Variants in ZNF146 observed in about 807,000 individuals in gnomAD.
The protein encoded by ZNF146 is zinc finger protein OZF.
ZNF146 carries 9 observed loss-of-function variants against 22.2 expected under a neutral mutation model. That is an observed-to-expected ratio of 0.41 (90% confidence interval 0.24 to 0.71). The LOEUF (loss-of-function observed/expected upper bound fraction) is 0.71, where lower values mean the gene tolerates loss of function less well. Among genes scored for constraint, ZNF146 ranks in the 30% least tolerant of loss-of-function variants. The pLI, the probability that ZNF146 is intolerant of heterozygous loss-of-function variation, is 0.34. For missense variants in ZNF146, 194 were observed against 344.8 expected (o/e 0.56, Z 3.46); for synonymous variants, 108 against 119.2 (o/e 0.91, Z 0.61).
intron 3 of ZNF146, among the ~76,000 whole-genome samples, chr19:36,232,320 T>C (rs1977417593): frequency 6.6e-6 from 1 of 152,200 alleles, no homozygotes; most frequent in South Asian, 2.1e-4. Flanking sequence ...GTACTACTTA[T>C]ATAAACTTGA....
chr19:36,229,462 A>G (rs140187889), intron 3 of ZNF146, among the ~76,000 whole-genome samples: 1 of 152,240 alleles, frequency 6.6e-6, no homozygotes, highest in African/African-American at 2.4e-5. Context: ...CTCCTGCCTC[A>G]GACTCCCGAA....
chr19:36,217,660 G>A (rs1449776337), intron 1 of ZNF146, among the ~76,000 whole-genome samples: 3 of 151,952 alleles, frequency 2.0e-5, no homozygotes, highest in East Asian at 2.0e-4. Context: ...CAACGCAGGC[G>A]GATCACCTGA....
chr19:36,237,524 C>A lies in ZNF146; in HGVS notation c.*205C>A. ...ACCCTGTGTCCAACAGAGAAACCTG[C>A]AGCAGAGATAATGGTGAAAGTTTAG... On this transcript the variant is annotated 3_prime_UTR_variant, in exon 4 of 4. Transcript: ENST00000443387. The A allele has an allele frequency of 4.1e-6, 2 of 484,606 alleles. No individual in the cohort carries two copies. The highest frequency in any genetic ancestry group is 7.0e-6 in the Non-Finnish European group (2 of 286,326). The allele number at this position is 484,606 out of a possible 1,614,324, so 30.0% of individuals were successfully genotyped here.
At position 36,218,158 on chromosome 19, in the gene ZNF146, A is replaced by G. The variant is rs1287795876; in HGVS notation, c.-892A>G. 7.0e-6 allele frequency: 1 copy of G among 143,248 alleles called. No homozygotes were observed. The highest frequency in any genetic ancestry group is 1.5e-5 in the Non-Finnish European group (1 of 66,884). The allele number at this position is 143,248 out of a possible 1,614,324, so 8.9% of individuals were successfully genotyped here. On this transcript the variant is annotated 5_prime_UTR_variant, in exon 2 of 4. Transcript: ENST00000443387. Reference sequence around the variant, plus strand: ...CCAAGGAGCCAGACTTCCTGTGTTAACTCCTTCCTCTGCCACTTTTTACCT... The same window carrying G: ...CCAAGGAGCCAGACTTCCTGTGTTAGCTCCTTCCTCTGCCACTTTTTACCT...
intron 2 of ZNF146, among the ~76,000 whole-genome samples, chr19:36,223,872 A>G (rs1161421571): frequency 1.3e-5 from 2 of 151,994 alleles, no homozygotes; most frequent in Non-Finnish European, 2.9e-5. Context: ...TTGTAGAGAT[A>G]AGATCTCCCT....
intron 3 of ZNF146, among the ~76,000 whole-genome samples, chr19:36,234,446 C>T (rs1416618439): frequency 6.6e-6 from 1 of 152,180 alleles, no homozygotes; most frequent in Non-Finnish European, 1.5e-5. Context: ...TTAGACTACC[C>T]AGTCTATGTT....
chr19:36,233,300 A>C (rs1977474146), intron 3 of ZNF146, among the ~76,000 whole-genome samples: 1 of 152,144 alleles, frequency 6.6e-6, no homozygotes, highest in Admixed American at 6.5e-5. Context: ...GAATCACTTG[A>C]AGCCAGGAGG....
chr19:36,223,606 G>T (rs937261192), intron 2 of ZNF146, among the ~76,000 whole-genome samples: 1 of 151,858 alleles, frequency 6.6e-6, no homozygotes, highest in African/African-American at 2.4e-5. Flanking sequence ...CTCGTGATCC[G>T]CCCGCCTCGG....
chr19:36,226,677 C>T (rs1341395030), intron 2 of ZNF146, among the ~76,000 whole-genome samples: 2 of 152,116 alleles, frequency 1.3e-5, no homozygotes, highest in East Asian at 3.8e-4. Context: ...TTTTTCATAA[C>T]TACAGTACAG....
chr19:36,222,712 G>T (rs1156557083), intron 2 of ZNF146, among the ~76,000 whole-genome samples: 2 of 149,380 alleles, frequency 1.3e-5, no homozygotes, highest in Admixed American at 6.7e-5. Flanking sequence ...TTTCTATGGG[G>T]TGTCTTCTCC....
At chr19:36,216,687 T>C in intron 1 of ZNF146, among the ~76,000 whole-genome samples, 1 of 151,888 alleles carries the variant, frequency 6.6e-6, no homozygotes, top group East Asian at 1.9e-4. Context: ...CTAATAAAAG[T>C]ATGGACAGGC....
At chr19:36,233,921 C>T (rs868040519) in intron 3 of ZNF146, among the ~76,000 whole-genome samples, 14 of 152,136 alleles carry the variant, frequency 9.2e-5, no homozygotes, top group Non-Finnish European at 1.3e-4. Context: ...TTACGGGTGT[C>T]GGACTGGGGG....
At chr19:36,225,310 T>A (rs2038722393) in intron 2 of ZNF146, among the ~76,000 whole-genome samples, 1 of 152,194 alleles carries the variant, frequency 6.6e-6, no homozygotes, top group South Asian at 2.1e-4. Flanking sequence ...AAACAAAAAA[T>A]CAAATGGGAC....
chr19:36,224,773 T>A (rs2145418796), intron 2 of ZNF146, among the ~76,000 whole-genome samples: 1 of 152,372 alleles, frequency 6.6e-6, no homozygotes, highest in African/African-American at 2.4e-5. Flanking sequence ...TTTATGACAT[T>A]AAATATTCCT....
In ZNF146 at chr19:36,215,136, A is replaced by G. The variant is rs955149819; in HGVS notation, c.-989A>G. The G allele has an allele frequency of 1.3e-5, 2 of 152,144 alleles. No individual in the cohort carries two copies. Among genetic ancestry groups the G allele is most frequent in the South Asian group, 4.1e-4 (2 of 4,820 alleles). 9.4% of individuals were successfully genotyped at this position (152,144 alleles called of 1,614,324 possible). A position where few individuals can be genotyped will look rare whatever the true frequency, so the allele number is the denominator to read the frequency against. Reference sequence around the variant, plus strand: ...CGCAAGCGCAGCGCACCGAGTGGACATTTTGGTCTTTGTCCGCGGGTCAGT... The same window carrying G: ...CGCAAGCGCAGCGCACCGAGTGGACGTTTTGGTCTTTGTCCGCGGGTCAGT... On this transcript the variant is annotated 5_prime_UTR_variant, in exon 1 of 4. Coordinates refer to ENST00000443387, the MANE Select transcript of ZNF146 (RefSeq NM_007145.3).
intron 2 of ZNF146, among the ~76,000 whole-genome samples, chr19:36,222,931 C>G (rs1236095361): frequency 6.6e-6 from 1 of 151,636 alleles, no homozygotes; most frequent in African/African-American, 2.4e-5. Context: ...AATGAGCCCC[C>G]TGTGGTTGGT....
At chr19:36,230,161 G>T (rs1273465830) in intron 3 of ZNF146, among the ~76,000 whole-genome samples, 1 of 152,224 alleles carries the variant, frequency 6.6e-6, no homozygotes, top group African/African-American at 2.4e-5. Context: ...TACTTTTTAA[G>T]TGGAATACAG....
chr19:36,238,473 A>G lies in ZNF146; in HGVS notation c.*1154A>G, dbSNP rs1470353587. 6.0e-6 allele frequency: 1 copy of G among 167,060 alleles called. No homozygotes were observed. The highest frequency in any genetic ancestry group is 1.5e-5 in the Non-Finnish European group (1 of 68,110). The allele number at this position is 167,060 out of a possible 1,614,324, so 10.3% of individuals were successfully genotyped here. A position where few individuals can be genotyped will look rare whatever the true frequency, so the allele number is the denominator to read the frequency against. On this transcript the variant is annotated 3_prime_UTR_variant, in exon 4 of 4. Transcript: ENST00000443387. The stretch of plus-strand genomic sequence containing the variant: ...TTATATAAACATCCACTTCTCTTTC[A>G]AAAGACTTCAAGTAAATATAAGAAG...
chr19:36,233,567 G>A (rs201307605), intron 3 of ZNF146, among the ~76,000 whole-genome samples: 21 of 152,062 alleles, frequency 1.4e-4, no homozygotes, highest in Admixed American at 1.4e-3. Context: ...GGCGTTTCTC[G>A]GAGAGGGGGA....
Sources: gnomAD v4.1 joint callset for allele counts (sites outside exome capture counted in the v4.1 genomes callset) on GRCh38, gnomAD v4.1.1 for gene constraint, MANE v1.5 for transcripts, NCBI Gene and HGNC (gene_info 2026-07-23, HGNC 2026-07-21) for gene names.